Variants in CAMK2D observed in about 807,000 individuals in gnomAD.
CAMK2D encodes the protein calcium/calmodulin-dependent protein kinase type II subunit delta.
In CAMK2D, 37 loss-of-function variants were observed where a neutral mutation model predicts 84.0. The ratio of observed to expected loss-of-function variants is 0.44; its 90% CI spans 0.34 to 0.58. CAMK2D has a LOEUF of 0.58. CAMK2D is among the 20% of genes least tolerant of loss of function. The pLI is 0.02. For synonymous variants in CAMK2D, 202 were observed against 212.5 expected, an observed-to-expected ratio of 0.95 and a Z score of 0.43; for missense variants, 448 against 652.5, an observed-to-expected ratio of 0.69 and a Z score of 3.41.
intron 2 of CAMK2D, among the ~76,000 whole-genome samples, chr4:113,699,856 A>AT (rs895143788): frequency 6.6e-6 from 1 of 152,190 alleles, no homozygotes. Flanking sequence ...AAAGACAGTC[A>AT]TTCTTTTAGA....
rs193108250 is a variant in CAMK2D at position 113,618,494 on chromosome 4, T to C, written c.221-9288A>G. On this transcript the variant is annotated intron_variant, in intron 3 of 20. Coordinates refer to ENST00000511664, the MANE Select transcript of CAMK2D (RefSeq NM_001321571.2). ...ATGCTCTCATCTTTCAATTCCTTTT[T>C]TGAAAATTCATTTATTGCATTTTTC... 5.9e-5 allele frequency among the ~76,000 whole-genome samples: 9 copies of C among 152,332 alleles called. No homozygotes were observed. The East Asian group carries it at 1.5e-3, about 26-fold the overall frequency.
intron 4 of CAMK2D, among the ~76,000 whole-genome samples, chr4:113,566,356 C>T (rs1044658793): frequency 6.6e-6 from 1 of 152,222 alleles, no homozygotes; most frequent in Non-Finnish European, 1.5e-5. Context: ...GTTTTCTCCT[C>T]TACTGCTCTC....
At chr4:113,757,897 G>A (rs1368225480) in intron 2 of CAMK2D, among the ~76,000 whole-genome samples, 5 of 152,088 alleles carry the variant, frequency 3.3e-5, no homozygotes, top group African/African-American at 1.2e-4. Flanking sequence ...CTCTAATTAA[G>A]AAAGTTAGTA....
At chr4:113,672,619 C>T (rs1333257140) in intron 2 of CAMK2D, among the ~76,000 whole-genome samples, 2 of 151,384 alleles carry the variant, frequency 1.3e-5, no homozygotes, top group Admixed American at 1.3e-4. Flanking sequence ...CTACAATCCC[C>T]AAGTTAAAAA....
chr4:113,664,449 G>A (rs181496155), intron 2 of CAMK2D, among the ~76,000 whole-genome samples: 70 of 152,302 alleles, frequency 4.6e-4, no homozygotes, highest in African/African-American at 1.6e-3. Context: ...AATCTTGACT[G>A]AGGAAGGATC....
chr4:113,508,238 T>TC (rs1463027484), intron 13 of CAMK2D: 1 of 1,548,946 alleles, frequency 6.5e-7, no homozygotes, highest in East Asian at 2.4e-5. Flanking sequence ...ATCCTCACCA[T>TC]CATCTGAACA....
At chr4:113,483,882 A>G (rs1589964366) in intron 16 of CAMK2D, among the ~76,000 whole-genome samples, 1 of 152,160 alleles carries the variant, frequency 6.6e-6, no homozygotes, top group South Asian at 2.1e-4. Context: ...AAAATGCCCA[A>G]TTTTTATTTA....
intron 3 of CAMK2D, among the ~76,000 whole-genome samples, chr4:113,609,846 C>A (rs2098992726): frequency 6.6e-6 from 1 of 152,162 alleles, no homozygotes; most frequent in South Asian, 2.1e-4. Flanking sequence ...ACAGCTTGAA[C>A]TTTTGCTAAA....
At chr4:113,724,691 T>C (rs760488556) in intron 2 of CAMK2D, among the ~76,000 whole-genome samples, 3 of 151,960 alleles carry the variant, frequency 2.0e-5, no homozygotes, top group Non-Finnish European at 4.4e-5. Context: ...TTTCCTATTA[T>C]TTGTCTTTGT....
chr4:113,709,746 G>GAGATATATATATATATAT (rs1554070631), intron 2 of CAMK2D, among the ~76,000 whole-genome samples: 6 of 49,824 alleles, frequency 1.2e-4, no homozygotes, highest in Non-Finnish European at 1.7e-4. Context: ...AGCCGTGAAC[G>GAGATATATATATATATAT]ATATATATAT....
chr4:113,515,327 T>C (rs2098270885), intron 9 of CAMK2D, 136 bp from the exon 10 acceptor site: 1 of 572,890 alleles, frequency 1.7e-6, no homozygotes, highest in Non-Finnish European at 3.0e-6. Flanking sequence ...TTAAGTTGTA[T>C]CTAAAATAAA....
intron 16 of CAMK2D, among the ~76,000 whole-genome samples, chr4:113,497,359 C>T (rs1564641407): frequency 6.6e-6 from 1 of 152,148 alleles, no homozygotes; most frequent in African/African-American, 2.4e-5. Flanking sequence ...AATGAAGAAA[C>T]AGCCTAGACA....
intron 4 of CAMK2D, among the ~76,000 whole-genome samples, chr4:113,607,963 T>C (rs2154265899): frequency 6.6e-6 from 1 of 152,346 alleles, no homozygotes; most frequent in East Asian, 1.9e-4. Context: ...TTTCATTCCC[T>C]TAACAAATAC....
At chr4:113,723,001 T>G (rs933347148) in intron 2 of CAMK2D, among the ~76,000 whole-genome samples, 1 of 152,104 alleles carries the variant, frequency 6.6e-6, no homozygotes, top group African/African-American at 2.4e-5. Flanking sequence ...TCTAACGACT[T>G]TGTAATTTAT....
intron 4 of CAMK2D, among the ~76,000 whole-genome samples, chr4:113,554,370 A>C (rs2098650110): frequency 6.6e-6 from 1 of 152,102 alleles, no homozygotes; most frequent in African/African-American, 2.4e-5. Context: ...TTATTTCCTA[A>C]GGGGTTCGTA....
chr4:113,512,604 C>T (rs966989346), intron 12 of CAMK2D, among the ~76,000 whole-genome samples: 5 of 152,256 alleles, frequency 3.3e-5, no homozygotes, highest in South Asian at 4.2e-4. Flanking sequence ...GACGGAGTCT[C>T]GCTCTGTCGC....
At chr4:113,628,699 T>C (rs984858259) in intron 3 of CAMK2D, among the ~76,000 whole-genome samples, 2 of 152,124 alleles carry the variant, frequency 1.3e-5, no homozygotes, top group Non-Finnish European at 2.9e-5. Flanking sequence ...TATTATGTAA[T>C]GAAAAATGAA....
intron 4 of CAMK2D, among the ~76,000 whole-genome samples, chr4:113,607,451 G>A (rs2154265484): frequency 6.6e-6 from 1 of 152,266 alleles, no homozygotes; most frequent in African/African-American, 2.4e-5. Context: ...TGGAGCAACT[G>A]AGGAACCGCA....
chr4:113,671,351 T>C (rs1449025369), intron 2 of CAMK2D, among the ~76,000 whole-genome samples: 1 of 152,228 alleles, frequency 6.6e-6, no homozygotes, highest in Non-Finnish European at 1.5e-5. Context: ...TGAGTTCTCC[T>C]GAGAGGTAAC....
Sources: allele counts gnomAD v4.1 joint callset (sites outside exome capture counted in the v4.1 genomes callset), GRCh38; gene constraint gnomAD v4.1.1; transcripts MANE v1.5; gene names NCBI Gene and HGNC (gene_info 2026-07-23, HGNC 2026-07-21).